Variants in ZNF385D observed in about 807,000 individuals in gnomAD.
ZNF385D encodes the protein zinc finger protein 385D.
ZNF385D carries 15 observed loss-of-function variants against 35.8 expected under a neutral mutation model. The ratio of observed to expected loss-of-function variants is 0.42; its 90% confidence interval spans 0.28 to 0.64. The LOEUF is 0.64. ZNF385D is among the 30% of genes least tolerant of loss of function. The probability of loss-of-function intolerance (pLI) is 0.23; values close to 1 mark genes in which losing one functional copy is unlikely to be tolerated. For missense variants in ZNF385D, 474 were observed against 494.6 expected, an observed-to-expected ratio of 0.96 and a Z score of 0.39; for synonymous variants, 212 against 186.8, an observed-to-expected ratio of 1.13 and a Z score of -1.10.
At chr3:21,942,618 C>A (rs1171974382) in intron 3 of ZNF385D, 1 of 152,174 alleles carries the variant, frequency 6.6e-6, no homozygotes, top group Non-Finnish European at 1.5e-5. Context: ...GTGCTGTTGA[C>A]AGAAGTATGG....
intron 2 of ZNF385D, among the ~76,000 whole-genome samples, chr3:21,651,151 G>A (rs1227385230): frequency 2.0e-5 from 3 of 151,510 alleles, no homozygotes; most frequent in Non-Finnish European, 2.9e-5. Context: ...AGCTGGGTGT[G>A]GTGGCGGGCG....
intron 2 of ZNF385D, among the ~76,000 whole-genome samples, chr3:22,255,320 TC>T (rs1457853960): frequency 2.6e-5 from 4 of 151,812 alleles, no homozygotes; most frequent in Non-Finnish European, 5.9e-5. Flanking sequence ...ACCTATTTTT[TC>T]CTCCCTTTAT....
Position 21,674,625 on chromosome 3 carries a change from C to A in ZNF385D, c.23-9597G>T, listed in dbSNP as rs537456064. ...TCAAAGTATTACTAAGAAAACCAAT[C>A]ATCTATTCCTGGTGCAGGATGCAGC... On this transcript the variant is annotated intron_variant, in intron 1 of 7. Transcript: ENST00000281523. Among the ~76,000 whole-genome samples, 5 of 152,184 alleles carry A rather than the reference C, an allele frequency of 3.3e-5. No homozygotes were observed. The East Asian group carries it at 9.7e-4, about 29-fold the overall frequency.
At chr3:22,014,694 A>G (rs1696776505) in intron 3 of ZNF385D, among the ~76,000 whole-genome samples, 1 of 151,172 alleles carries the variant, frequency 6.6e-6, no homozygotes, top group South Asian at 2.1e-4. Flanking sequence ...TGAAAGAAAA[A>G]TAAAGACTTG....
At chr3:22,240,102 G>A (rs1699406917) in intron 2 of ZNF385D, among the ~76,000 whole-genome samples, 2 of 146,522 alleles carry the variant, frequency 1.4e-5, no homozygotes. Context: ...AGGATCACCT[G>A]AGCCCAGGAG....
intron 2 of ZNF385D, among the ~76,000 whole-genome samples, chr3:22,226,348 C>A (rs1323720692): frequency 1.3e-5 from 2 of 152,014 alleles, no homozygotes; most frequent in African/African-American, 2.4e-5. Flanking sequence ...CATAAACAGA[C>A]AATGGGAAGG....
At chr3:21,900,995 G>A (rs1240963754) in intron 3 of ZNF385D, among the ~76,000 whole-genome samples, 1 of 152,164 alleles carries the variant, frequency 6.6e-6, no homozygotes, top group Non-Finnish European at 1.5e-5. Flanking sequence ...TGGCATCCAT[G>A]CCTGTGCTCT....
intron 3 of ZNF385D, among the ~76,000 whole-genome samples, chr3:22,090,269 C>T (rs949542823): frequency 2.0e-5 from 3 of 152,154 alleles, no homozygotes; most frequent in Non-Finnish European, 4.4e-5. Flanking sequence ...TCCTATGCTT[C>T]ATTGCAGTGC....
At chr3:21,907,917 G>C (rs1699761162) in intron 3 of ZNF385D, among the ~76,000 whole-genome samples, 1 of 151,948 alleles carries the variant, frequency 6.6e-6, no homozygotes, top group African/African-American at 2.4e-5. Context: ...ATTAGAAATA[G>C]GCCCAGAAAG....
At chr3:21,812,716 G>A (rs940257371) in intron 3 of ZNF385D, among the ~76,000 whole-genome samples, 1 of 152,220 alleles carries the variant, frequency 6.6e-6, no homozygotes, top group Admixed American at 6.5e-5. Context: ...ACTGCGTGGA[G>A]CCCACCACAG....
chr3:21,678,793 T>C (rs2066809102), intron 1 of ZNF385D, among the ~76,000 whole-genome samples: 1 of 152,112 alleles, frequency 6.6e-6, no homozygotes, highest in Admixed American at 6.6e-5. Context: ...CTGTACTGCA[T>C]ATAGTTTTCA....
intron 3 of ZNF385D, among the ~76,000 whole-genome samples, chr3:22,021,654 C>A (rs1394628551): frequency 6.6e-6 from 1 of 152,006 alleles, no homozygotes; most frequent in Non-Finnish European, 1.5e-5. Flanking sequence ...CAAGTTGAAG[C>A]AGAAAAAATT....
chr3:21,423,940 G>T, intron 7 of ZNF385D, 23 bp downstream of exon 7: 1 of 1,597,622 alleles, frequency 6.3e-7, no homozygotes, highest in Non-Finnish European at 8.5e-7. Flanking sequence ...ATAGAGGCTG[G>T]ACTCTTGCAA....
intron 2 of ZNF385D, among the ~76,000 whole-genome samples, chr3:22,216,784 C>A (rs759682715): frequency 6.6e-6 from 1 of 152,092 alleles, no homozygotes; most frequent in Non-Finnish European, 1.5e-5. Context: ...GGCCATGTGA[C>A]AGAGGTCTCG....
intron 2 of ZNF385D, among the ~76,000 whole-genome samples, chr3:22,229,702 T>G (rs1698768999): frequency 6.6e-6 from 1 of 152,200 alleles, no homozygotes; most frequent in African/African-American, 2.4e-5. Context: ...CCTGGCCTGA[T>G]GGACGACCAC....
chr3:21,811,825 A>C (rs1173129089), intron 3 of ZNF385D, among the ~76,000 whole-genome samples: 1 of 152,206 alleles, frequency 6.6e-6, no homozygotes, highest in Admixed American at 6.5e-5. Context: ...AATCATCATG[A>C]ATTTTTCCAA....
chr3:22,173,314 G>A (rs974661271), intron 2 of ZNF385D, among the ~76,000 whole-genome samples: 2 of 152,026 alleles, frequency 1.3e-5, no homozygotes, highest in African/African-American at 4.8e-5. Context: ...AAAACGTAGA[G>A]TATCATTAAT....
intron 2 of ZNF385D, among the ~76,000 whole-genome samples, chr3:22,325,760 A>G (rs1300828014): frequency 6.6e-6 from 1 of 152,152 alleles, no homozygotes; most frequent in African/African-American, 2.4e-5. Context: ...TCTGTCTCAA[A>G]AAAACAAAAA....
intron 1 of ZNF385D, among the ~76,000 whole-genome samples, chr3:21,749,620 A>T (rs188852888): frequency 6.6e-6 from 1 of 152,222 alleles, no homozygotes; most frequent in Non-Finnish European, 1.5e-5. Context: ...TTAACTACAG[A>T]TTCTGCTTAA....
Sources: gnomAD v4.1 joint callset for allele counts (sites outside exome capture counted in the v4.1 genomes callset) on GRCh38, gnomAD v4.1.1 for gene constraint, MANE v1.5 for transcripts, NCBI Gene and HGNC (gene_info 2026-07-23, HGNC 2026-07-21) for gene names.